Variants in ABCA8 observed in about 807,000 individuals in gnomAD.
ABCA8 encodes the protein ATP binding cassette subfamily A member 8.
A neutral mutation model predicts 192.3 loss-of-function variants in ABCA8; 177 were observed. That is an observed-to-expected ratio of 0.92 (90% confidence interval 0.81 to 1.04). The LOEUF (loss-of-function observed/expected upper bound fraction) is 1.04, where lower values mean the gene tolerates loss of function less well. Ranked by LOEUF, ABCA8 falls within the 50% of genes least tolerant of loss-of-function variation. ABCA8 has a pLI of 0.00. For missense variants in ABCA8, 1,915 were observed against 1,904.8 expected (o/e 1.01, Z -0.10); for synonymous variants, 642 against 690.2 (o/e 0.93, Z 1.09).
chr17:68,941,891 C>T (rs1417634962), intron 3 of ABCA8, 48 bp downstream of exon 3: 20 of 1,361,270 alleles, frequency 1.5e-5, no homozygotes, highest in Middle Eastern at 1.8e-4. Flanking sequence ...CCAGGCAACA[C>T]GTATTTTCCT....
intron 37 of ABCA8, among the ~76,000 whole-genome samples, chr17:68,871,598 T>G (rs996563461): frequency 2.6e-5 from 4 of 151,366 alleles, no homozygotes; most frequent in Non-Finnish European, 4.4e-5. Context: ...GGGTTATTAG[T>G]TTTTTTTTGC....
intron 1 of ABCA8, among the ~76,000 whole-genome samples, chr17:68,953,198 G>A (rs188681900): frequency 3.5e-4 from 53 of 152,290 alleles, no homozygotes; most frequent in Admixed American, 3.5e-3. Flanking sequence ...TGGGAAGCAT[G>A]TGAAGGACAT....
chr17:68,908,905 G>A (rs147878813), intron 17 of ABCA8, among the ~76,000 whole-genome samples: 9 of 152,318 alleles, frequency 5.9e-5, no homozygotes, highest in African/African-American at 9.6e-5. Context: ...AGTGAAGTTT[G>A]CACTTGACAA....
At chr17:68,881,836 C>A (rs746419612) in intron 31 of ABCA8, 27 bp downstream of exon 31, 1 of 1,566,472 alleles carries the variant, frequency 6.4e-7, no homozygotes, top group Non-Finnish European at 8.8e-7. Flanking sequence ...GGCTCTGAGC[C>A]AGAAGTGGAA....
In ABCA8 at chr17:68,885,326, C is replaced by A; in HGVS notation, c.3430-11G>T. On this transcript the variant is annotated splice_polypyrimidine_tract_variant and intron_variant, in intron 26 of 39. Coordinates refer to ENST00000586539, the MANE Select transcript of ABCA8 (RefSeq NM_001288985.2). ...AGAGAATACAGTGACCTAAAAGAAG[C>A]AAATATGAAGGTTAATCACTCTGAA... The A allele has an allele frequency of 6.2e-7, 1 of 1,600,898 alleles. No homozygotes were observed. The highest frequency in any genetic ancestry group is 2.3e-5 in the East Asian group (1 of 44,326).
intron 12 of ABCA8, 40 bp from the exon 13 acceptor site, chr17:68,921,532 G>A: frequency 7.3e-7 from 1 of 1,368,434 alleles, no homozygotes; most frequent in Non-Finnish European, 1.0e-6. Flanking sequence ...ATAAGATAAA[G>A]GGATGGAAAA....
chr17:68,941,507 C>T (rs1456543164), intron 3 of ABCA8, among the ~76,000 whole-genome samples: 1 of 152,014 alleles, frequency 6.6e-6, no homozygotes, highest in African/African-American at 2.4e-5. Context: ...AATACAATTC[C>T]AACTTTTCTA....
chr17:68,877,883 A>C, intron 32 of ABCA8: 1 of 461,296 alleles, frequency 2.2e-6, no homozygotes, highest in Non-Finnish European at 3.7e-6. Context: ...CCAACAATCC[A>C]ATCTCAGCTG....
Position 68,887,108 on chromosome 17 carries a change from G to A in ABCA8, c.3338C>T (p.Ser1113Phe), listed in dbSNP as rs759445548. 33 of 1,610,276 alleles carry A rather than the reference G, an allele frequency of 2.0e-5. No individual in the cohort carries two copies. In the Admixed American group the frequency reaches 5.4e-4, roughly 26 times the overall value. The change falls in exon 26 of 40, where the codon TCC (serine) becomes TTC (phenylalanine). Residue 1113 changes from serine (S) to phenylalanine (F), a missense_variant. Ser to Phe is a radical substitution (Grantham distance 155). Coordinates refer to ENST00000586539, the MANE Select transcript of ABCA8 (RefSeq NM_001288985.2). ...GTATGTCATGAAGATGAGGGAAAAG[G>A]AATAACCAACAGCACATGGGATCTA... ...IIQIPCAVGY[S>F]FSLIFMTYVI...
intron 23 of ABCA8, among the ~76,000 whole-genome samples, chr17:68,893,721 C>CTTTTTTTTTTTTTTTTTTTCTTTTT (rs5821690): frequency 7.8e-5 from 10 of 127,678 alleles, no homozygotes; most frequent in East Asian, 2.3e-4. Context: ...TTCATATTCT[C>CTTTTTTTTTTTTTTTTTTTCTTTTT]TTTTTTTTTT....
At position 68,921,468 on chromosome 17, in the gene ABCA8, C is replaced by T. The variant is rs199983451; in HGVS notation, c.1526G>A (p.Gly509Asp). The T allele has an allele frequency of 2.5e-6, 4 of 1,602,644 alleles. No homozygotes were observed. In the East Asian group the frequency reaches 8.9e-5, roughly 36 times the overall value. ...LKDLVFDIYE[G>D]QITAILGHSG... is the part of the protein sequence containing the mutation. ...GTGACCAAGTATTGCAGTGATTTGG[C>T]CTTCGTAAATGTCAAATACCAGATC... The change falls in exon 13 of 40, where the codon GGC becomes GAC. Residue 509 changes from glycine (G) to aspartate (D), a missense_variant. By Grantham distance (94) the Gly-to-Asp change is moderately conservative. Coordinates refer to ENST00000586539, the MANE Select transcript of ABCA8 (RefSeq NM_001288985.2).
intron 1 of ABCA8, among the ~76,000 whole-genome samples, chr17:68,952,275 G>A: frequency 6.6e-6 from 1 of 152,066 alleles, no homozygotes; most frequent in East Asian, 1.9e-4. Context: ...CTGGAGTGCA[G>A]TGGTGCGATC....
At chr17:68,904,068 A>G (rs926350925) in intron 19 of ABCA8, among the ~76,000 whole-genome samples, 3 of 152,102 alleles carry the variant, frequency 2.0e-5, no homozygotes, top group Admixed American at 2.0e-4. Context: ...GTGACAGGAC[A>G]CAAAACACAC....
intron 18 of ABCA8, 89 bp downstream of exon 18, chr17:68,907,651 C>T: frequency 8.4e-7 from 1 of 1,191,830 alleles, no homozygotes. Flanking sequence ...TACTGTAAGA[C>T]ATTGATAAAT....
chr17:68,916,373 T>G (rs1411689590), intron 17 of ABCA8, among the ~76,000 whole-genome samples: 1 of 152,064 alleles, frequency 6.6e-6, no homozygotes, highest in Non-Finnish European at 1.5e-5. Context: ...ACAGCTAAAA[T>G]AGTATATAAC....
At chr17:68,903,133 T>C (rs1265771647) in intron 20 of ABCA8, among the ~76,000 whole-genome samples, 168 bp downstream of exon 20, 2 of 152,220 alleles carry the variant, frequency 1.3e-5, no homozygotes. Flanking sequence ...ATTTGTCCTT[T>C]GGATGTCAAG....
At position 68,911,230 on chromosome 17, in the gene ABCA8, G is replaced by A. The variant is rs1379540792; in HGVS notation, c.2139-3351C>T. Among the ~76,000 whole-genome samples, 1 of 152,026 alleles carries A rather than the reference G, an allele frequency of 6.6e-6. No individual in the cohort carries two copies. Among genetic ancestry groups the A allele is most frequent in the African/African-American group, 2.4e-5 (1 of 41,404 alleles). ...TTGCCCTGAAGGGAGCTGCTACCCA[G>A]GCCTGGCAGCATGTACTACAAGCTG... On this transcript the variant is annotated intron_variant, in intron 17 of 39. Transcript: ENST00000586539. This position sits in a 1 kb window ranked among gnomAD's most constrained non-coding sequence, Gnocchi z 5.7.
At chr17:68,932,598 G>A in intron 6 of ABCA8, 84 bp from the exon 7 acceptor site, 2 of 1,009,436 alleles carry the variant, frequency 2.0e-6, no homozygotes, top group Non-Finnish European at 3.0e-6. Flanking sequence ...TCTTGTGGAT[G>A]TATGATTGGC....
At chr17:68,938,538 T>A (rs887981226) in intron 4 of ABCA8, among the ~76,000 whole-genome samples, 1 of 152,168 alleles carries the variant, frequency 6.6e-6, no homozygotes, top group African/African-American at 2.4e-5. Context: ...TTAAAATGAA[T>A]AGTCAGTACC....
Sources: gnomAD v4.1 joint callset for allele counts (sites outside exome capture counted in the v4.1 genomes callset) on GRCh38, gnomAD v4.1.1 for gene constraint, Gnocchi (gnomAD v3.1) non-coding constraint, MANE v1.5 for transcripts, NCBI Gene and HGNC (gene_info 2026-07-23, HGNC 2026-07-21) for gene names.